SEMA6D: variants seen among roughly 807,000 people sequenced by gnomAD.
SEMA6D encodes the protein semaphorin-6D.
In SEMA6D, 35 loss-of-function variants were observed where a neutral mutation model predicts 106.6. That is an observed-to-expected ratio of 0.33 (90% CI 0.25 to 0.44). The LOEUF (loss-of-function observed/expected upper bound fraction) is 0.44. Among genes scored for constraint, SEMA6D ranks in the 20% least tolerant of loss-of-function variants. The pLI is 1.00. For synonymous variants in SEMA6D, 499 were observed against 487.7 expected (o/e 1.02, Z -0.31); for missense variants, 1,185 against 1,345.9 (o/e 0.88, Z 1.87).
At chr15:47,231,454 G>A (rs752128767) in intron 1 of SEMA6D, among the ~76,000 whole-genome samples, 1 of 151,678 alleles carries the variant, frequency 6.6e-6, no homozygotes, top group African/African-American at 2.4e-5. Flanking sequence ...CAAAGAGCAC[G>A]CCCCATTTGA....
intron 1 of SEMA6D, among the ~76,000 whole-genome samples, chr15:47,381,503 A>G (rs1226620017): frequency 1.3e-5 from 2 of 152,148 alleles, no homozygotes; most frequent in East Asian, 3.9e-4. Flanking sequence ...CACTAGCTAC[A>G]CCTGTGGCCC....
At chr15:47,237,232 G>T (rs1475570808) in intron 1 of SEMA6D, among the ~76,000 whole-genome samples, 1 of 152,082 alleles carries the variant, frequency 6.6e-6, no homozygotes, top group Non-Finnish European at 1.5e-5. Context: ...TCCATACAAG[G>T]AATTTAATAA....
chr15:47,520,407 T>C (rs1250533998), intron 3 of SEMA6D, among the ~76,000 whole-genome samples: 6 of 152,166 alleles, frequency 3.9e-5, no homozygotes, highest in Admixed American at 3.9e-4. Context: ...TTTTTTTTCT[T>C]CACCACATCG....
At chr15:47,431,882 C>T (rs1023857490) in intron 2 of SEMA6D, among the ~76,000 whole-genome samples, 7 of 152,016 alleles carry the variant, frequency 4.6e-5, no homozygotes, top group Non-Finnish European at 7.4e-5. Context: ...ATAAATAAGC[C>T]TCTTATTTAT....
chr15:47,320,188 G>A (rs1216745899), intron 1 of SEMA6D, among the ~76,000 whole-genome samples: 3 of 152,216 alleles, frequency 2.0e-5, no homozygotes, highest in African/African-American at 4.8e-5. Context: ...GTCTCTGACT[G>A]CTCAGTGGAT....
At chr15:47,584,621 A>C (rs1424481446) in intron 3 of SEMA6D, among the ~76,000 whole-genome samples, 3 of 152,064 alleles carry the variant, frequency 2.0e-5, no homozygotes, top group Admixed American at 2.0e-4. Flanking sequence ...AAGGCTCTTT[A>C]TTTTTGGTAT....
At chr15:47,419,869 T>C (rs1241933029) in intron 2 of SEMA6D, among the ~76,000 whole-genome samples, 1 of 151,818 alleles carries the variant, frequency 6.6e-6, no homozygotes, top group Non-Finnish European at 1.5e-5. Flanking sequence ...GAAGAGGAGA[T>C]AAAAGATGAC....
At chr15:47,595,653 A>G (rs575427303) in intron 3 of SEMA6D, among the ~76,000 whole-genome samples, 2 of 152,278 alleles carry the variant, frequency 1.3e-5, no homozygotes, top group South Asian at 2.1e-4. Context: ...CACTTGAGAA[A>G]AATTGGTATT....
chr15:47,210,043 T>A (rs1895374002), intron 1 of SEMA6D, among the ~76,000 whole-genome samples: 1 of 152,248 alleles, frequency 6.6e-6, no homozygotes, highest in South Asian at 2.1e-4. Flanking sequence ...TTCCAATAGA[T>A]GTCCTATTTC....
At chr15:47,603,022 T>C (rs2076695231) in intron 4 of SEMA6D, among the ~76,000 whole-genome samples, 1 of 152,308 alleles carries the variant, frequency 6.6e-6, no homozygotes, top group African/African-American at 2.4e-5. Context: ...GGAAATGATA[T>C]TGGGCACTGT....
intron 17 of SEMA6D, among the ~76,000 whole-genome samples, chr15:47,768,131 A>C (rs28406940): frequency 0.2 from 30,282 of 152,174 alleles, 3,958 homozygotes; most frequent in Non-Finnish European, 0.28. Context: ...CATAGACTTA[A>C]CCAGATATTT....
At chr15:47,211,291 C>T (rs2029996004) in intron 1 of SEMA6D, among the ~76,000 whole-genome samples, 1 of 152,100 alleles carries the variant, frequency 6.6e-6, no homozygotes, top group Non-Finnish European at 1.5e-5. Flanking sequence ...GCATCTCTTT[C>T]CATACTAATA....
chr15:47,413,314 C>T (rs1170742220), intron 2 of SEMA6D, among the ~76,000 whole-genome samples: 2 of 152,002 alleles, frequency 1.3e-5, no homozygotes, highest in Non-Finnish European at 2.9e-5. Context: ...CAAACAAGAT[C>T]ATCTAGGCCT....
At chr15:47,673,597 G>C (rs1273280510) in intron 4 of SEMA6D, among the ~76,000 whole-genome samples, 1 of 152,270 alleles carries the variant, frequency 6.6e-6, no homozygotes, top group South Asian at 2.1e-4. Context: ...GATGCAGTGG[G>C]AACACTGTAA....
In SEMA6D at chr15:47,768,616, G is replaced by C; in HGVS notation, c.1801G>C (p.Ala601Pro). The C allele has an allele frequency of 6.2e-7, 1 of 1,612,754 alleles. No homozygotes were observed. The highest frequency in any genetic ancestry group is 8.5e-7 in the Non-Finnish European group (1 of 1,179,192). The change falls in exon 18 of 19, where the codon GCA becomes CCA. Residue 601 changes from alanine to proline, a missense_variant. Physicochemically the swap from Ala to Pro is conservative, Grantham distance 27. This residue lies in a region of SEMA6D where 750 missense variants were observed against 783.5 expected (regional missense o/e 0.96). Coordinates refer to ENST00000536845, the MANE Select transcript of SEMA6D (RefSeq NM_001358351.3). ...ATCTTCATCTTCTGTTACCACAATG[G>C]CAAGTATCCCAGAAATCACACCTAA... ...EVSSSSVTTM[A>P]SIPEITPKVI...
At chr15:47,194,768 A>G (rs1361549249) in intron 1 of SEMA6D, among the ~76,000 whole-genome samples, 1 of 152,204 alleles carries the variant, frequency 6.6e-6, no homozygotes, top group Non-Finnish European at 1.5e-5. Context: ...ATGTGAGTGT[A>G]TCTATCTTTA....
intron 1 of SEMA6D, among the ~76,000 whole-genome samples, chr15:47,383,568 G>GTAA (rs1325156866): frequency 6.6e-6 from 1 of 152,160 alleles, no homozygotes; most frequent in Admixed American, 6.5e-5. Context: ...AGTAGTAGTA[G>GTAA]TAGTAATAAT....
At chr15:47,354,566 C>CAT (rs35438092) in intron 1 of SEMA6D, among the ~76,000 whole-genome samples, 68,548 of 147,900 alleles carry the variant, frequency 0.46, 18,799 homozygotes, top group South Asian at 0.6. Flanking sequence ...TGTATGTGTA[C>CAT]ATATATATAT....
chr15:47,565,593 T>A (rs2046207824), intron 3 of SEMA6D, among the ~76,000 whole-genome samples: 1 of 152,200 alleles, frequency 6.6e-6, no homozygotes, highest in African/African-American at 2.4e-5. Context: ...TCTGTACAAT[T>A]CTGAATCTGG....
Sources: gnomAD v4.1 joint callset for allele counts (sites outside exome capture counted in the v4.1 genomes callset) on GRCh38, gnomAD v4.1.1 for gene constraint, gnomAD v4.1.1 regional missense constraint, MANE v1.5 for transcripts, NCBI Gene and HGNC (gene_info 2026-07-23, HGNC 2026-07-21) for gene names.